ZFYVE1: variants seen among roughly 807,000 people sequenced by gnomAD.
The protein encoded by ZFYVE1 is zinc finger FYVE-type containing 1, also known as zinc finger FYVE domain-containing protein 1.
ZFYVE1 carries 30 observed loss-of-function variants against 74.4 expected under a neutral mutation model. The observed-to-expected ratio is 0.40, with a 90% CI of 0.30 to 0.55. The LOEUF is 0.55. Ranked by LOEUF, ZFYVE1 falls within the 20% of genes least tolerant of loss-of-function variation. The pLI is 0.42. For synonymous variants in ZFYVE1, 335 were observed against 385.1 expected (o/e 0.87, Z 1.52); for missense variants, 703 against 1,011.6 (o/e 0.69, Z 4.14).
chr14:72,981,743 T>C (rs753870835), intron 5 of ZFYVE1, 46 bp downstream of exon 5: 2 of 1,570,926 alleles, frequency 1.3e-6, no homozygotes, highest in Non-Finnish European at 1.8e-6. Flanking sequence ...TCAAAGGCTC[T>C]ATTCTCAAGG....
In ZFYVE1 at chr14:72,969,696, A is replaced by G. The variant is rs1016931828; in HGVS notation, c.*1186T>C. On this transcript the variant is annotated 3_prime_UTR_variant, in exon 12 of 12. Coordinates refer to ENST00000556143, the MANE Select transcript of ZFYVE1 (RefSeq NM_021260.4). ...TTGGCCACTGAAGATCAAATCCACC[A>G]TGATGATAGGATTTCAGCACAACGG... The G allele has an allele frequency of 1.4e-6, 1 of 702,568 alleles. No homozygotes were observed. Among genetic ancestry groups the G allele is most frequent in the African/African-American group, 1.7e-5 (1 of 57,332 alleles). The allele number at this position is 702,568 out of a possible 1,614,324, so 43.5% of individuals were successfully genotyped here.
intron 4 of ZFYVE1, among the ~76,000 whole-genome samples, chr14:72,992,630 T>TCCCC: frequency 8.1e-4 from 45 of 55,266 alleles, no homozygotes; most frequent in Non-Finnish European, 1.4e-3. Flanking sequence ...CCCCGCCCCT[T>TCCCC]GCAAGAGAGA....
intron 2 of ZFYVE1, among the ~76,000 whole-genome samples, chr14:73,022,146 C>A (rs1280866980): frequency 6.6e-6 from 1 of 152,168 alleles, no homozygotes; most frequent in Non-Finnish European, 1.5e-5. Context: ...ACAGCGTAAT[C>A]CATAACAAAG....
intron 2 of ZFYVE1, among the ~76,000 whole-genome samples, chr14:73,013,476 C>T (rs940022698): frequency 6.6e-6 from 1 of 151,986 alleles, no homozygotes; most frequent in Non-Finnish European, 1.5e-5. Flanking sequence ...GGCATGGTGG[C>T]AGGTGCCTGT....
chr14:73,025,196 G>A (rs1894432131), intron 1 of ZFYVE1, among the ~76,000 whole-genome samples: 1 of 151,422 alleles, frequency 6.6e-6, no homozygotes, highest in Admixed American at 6.6e-5. Context: ...AGCCTCCCAA[G>A]GAGCTGGGAT....
chr14:72,997,154 C>T (rs1160379133), intron 3 of ZFYVE1, among the ~76,000 whole-genome samples: 1 of 152,224 alleles, frequency 6.6e-6, no homozygotes, highest in African/African-American at 2.4e-5. Flanking sequence ...TCATGCATCA[C>T]TCCAACTGTT....
rs774546209 is a variant in ZFYVE1 at position 72,997,997 on chromosome 14, G to A, written c.802C>T (p.His268Tyr). Residue 268 changes from histidine (H) to tyrosine (Y), a missense_variant, in exon 3 of 12, where the codon CAT becomes TAT. His to Tyr is a moderately conservative substitution (Grantham distance 83). Transcript: ENST00000556143. ...AGGTCGTTATGCAGCCGGTCTGCAT[G>A]AGTTCGATAGATGACGAGGTCTGAG... is the stretch of plus-strand genomic sequence containing the variant. ...AISDLVIYRT[H>Y]ADRLHNDLFK... 1.9e-6 allele frequency: 3 copies of A among 1,614,016 alleles called. No individual in the cohort carries two copies. The highest frequency in any genetic ancestry group is 2.7e-5 in the African/African-American group (2 of 74,884).
chr14:72,975,834 TC>T lies in ZFYVE1; in HGVS notation c.1636-114del. ...CCGTGGCCAACTCAGAACCACTAACTCCCTGGCAGGGAAGAACGGAGACACA... is the reference window on the plus strand; with the variant it reads ...CCGTGGCCAACTCAGAACCACTAACTCCTGGCAGGGAAGAACGGAGACACA... On this transcript the variant is annotated intron_variant, in intron 8 of 11. Coordinates refer to ENST00000556143, the MANE Select transcript of ZFYVE1 (RefSeq NM_021260.4). The surrounding 1 kb of genome is among the most constrained non-coding windows in gnomAD (Gnocchi z 4.1). 8.0e-7 allele frequency: 1 copy of T among 1,254,488 alleles called. No individual in the cohort carries two copies. The highest frequency in any genetic ancestry group is 2.3e-5 in the Admixed American group (1 of 42,834). The allele number at this position is 1,254,488 out of a possible 1,614,324, so 77.7% of individuals were successfully genotyped here.
In ZFYVE1 at chr14:73,024,848, C is replaced by T. The variant is rs991337084; in HGVS notation, c.-340G>A. The stretch of plus-strand genomic sequence containing the variant: ...GATGGGTTCACGGTGGTGGGTTCAT[C>T]GGTTGGACATCAGCTACAAAGTTTT... On this transcript the variant is annotated 5_prime_UTR_variant, in exon 2 of 12. Coordinates refer to ENST00000556143, the MANE Select transcript of ZFYVE1 (RefSeq NM_021260.4). 5.7e-5 allele frequency: 11 copies of T among 193,548 alleles called. No homozygotes were observed. The highest frequency in any genetic ancestry group is 2.3e-4 in the African/African-American group (10 of 42,836). 12.0% of individuals were successfully genotyped at this position (193,548 alleles called of 1,614,324 possible).
At chr14:72,982,847 C>CT (rs202123032) in intron 4 of ZFYVE1, among the ~76,000 whole-genome samples, 6,131 of 146,632 alleles carry the variant, frequency 0.042, 211 homozygotes, top group East Asian at 0.19. Flanking sequence ...ACAATTAGAA[C>CT]TTTTTTTTTT....
intron 10 of ZFYVE1, 48 bp downstream of exon 10, chr14:72,974,731 G>C (rs758267961): frequency 1.0e-5 from 16 of 1,556,564 alleles, no homozygotes; most frequent in Non-Finnish European, 1.4e-5. Context: ...CAGGGCCAAT[G>C]TGGGAGGTTC....
chr14:73,003,235 T>C (rs1594854291), intron 2 of ZFYVE1, among the ~76,000 whole-genome samples: 1 of 151,816 alleles, frequency 6.6e-6, no homozygotes, highest in Non-Finnish European at 1.5e-5. Flanking sequence ...TTTTTGTACT[T>C]TTAGTAGAGA....
At chr14:72,983,302 C>T (rs988305753) in intron 4 of ZFYVE1, among the ~76,000 whole-genome samples, 3 of 151,230 alleles carry the variant, frequency 2.0e-5, no homozygotes, top group African/African-American at 7.3e-5. Flanking sequence ...CACCCATTAA[C>T]TCGTCATTTA....
chr14:73,018,757 C>T (rs1460186040), intron 2 of ZFYVE1, among the ~76,000 whole-genome samples: 1 of 152,066 alleles, frequency 6.6e-6, no homozygotes, highest in Non-Finnish European at 1.5e-5. Context: ...GCGTGACCAA[C>T]ATGGGGAAAC....
intron 4 of ZFYVE1, among the ~76,000 whole-genome samples, chr14:72,988,576 G>A (rs1893537333): frequency 1.3e-5 from 2 of 151,744 alleles, no homozygotes; most frequent in African/African-American, 2.4e-5. Flanking sequence ...GGAGGCGGAG[G>A]TGGGCGGGTC....
intron 3 of ZFYVE1, 148 bp downstream of exon 3, chr14:72,997,663 C>G (rs1594849726): frequency 9.2e-7 from 1 of 1,085,374 alleles, no homozygotes; most frequent in East Asian, 2.5e-5. Flanking sequence ...TGTTTGATCA[C>G]TCCATCCTCC....
chr14:72,974,629 A>C, intron 10 of ZFYVE1, 150 bp downstream of exon 10: 1 of 1,005,490 alleles, frequency 9.9e-7, no homozygotes, highest in Non-Finnish European at 1.4e-6. Flanking sequence ...GACGCTGTTA[A>C]CAAGGAGCTT....
chr14:72,978,318 G>C, intron 6 of ZFYVE1, 84 bp from the exon 7 acceptor site: 1 of 1,343,194 alleles, frequency 7.4e-7, no homozygotes, highest in Middle Eastern at 2.5e-4. Flanking sequence ...AGCCCAGGCT[G>C]GTTGTGAACT....
intron 5 of ZFYVE1, among the ~76,000 whole-genome samples, chr14:72,980,108 T>C (rs1893282413): frequency 6.6e-6 from 1 of 152,120 alleles, no homozygotes; most frequent in Non-Finnish European, 1.5e-5. Flanking sequence ...CTAACATCCC[T>C]CTCCCCTTTC....
Sources: allele counts gnomAD v4.1 joint callset (sites outside exome capture counted in the v4.1 genomes callset), GRCh38; gene constraint gnomAD v4.1.1; non-coding constraint Gnocchi (gnomAD v3.1); transcripts MANE v1.5; gene names NCBI Gene and HGNC (gene_info 2026-07-23, HGNC 2026-07-21).